Variants in RNF130 observed in about 807,000 individuals in gnomAD.
The protein encoded by RNF130 is ring finger protein 130, also known as E3 ubiquitin-protein ligase RNF130.
A neutral mutation model predicts 44.6 loss-of-function variants in RNF130; 21 were observed. That is an observed-to-expected ratio of 0.47 (90% CI 0.33 to 0.68). The LOEUF (loss-of-function observed/expected upper bound fraction) is 0.68, where lower values mean the gene tolerates loss of function less well. Ranked by LOEUF, RNF130 falls within the 30% of genes least tolerant of loss-of-function variation. The pLI is 0.02. For missense variants in RNF130, 479 were observed against 560.6 expected (o/e 0.85, Z 1.47); for synonymous variants, 214 against 210.4 (o/e 1.02, Z -0.15).
chr5:179,964,960 T>C (rs890579705), intron 7 of RNF130, among the ~76,000 whole-genome samples: 11 of 152,244 alleles, frequency 7.2e-5, no homozygotes, highest in Non-Finnish European at 1.6e-4. Context: ...AGGGAAAATG[T>C]ATATGGCATT....
chr5:179,931,032 CAAAAAA>C (rs34266288), intron 7 of RNF130, among the ~76,000 whole-genome samples: 3 of 74,304 alleles, frequency 4.0e-5, no homozygotes, highest in Non-Finnish European at 7.7e-5. Context: ...ACCTCTGTCT[CAAAAAA>C]AAAAAAAAAA....
At chr5:179,987,495 T>A (rs1490898428) in intron 3 of RNF130, among the ~76,000 whole-genome samples, 1 of 152,200 alleles carries the variant, frequency 6.6e-6, no homozygotes, top group Non-Finnish European at 1.5e-5. Context: ...TTCTGACTGC[T>A]CCGGCTATGA....
intron 2 of RNF130, among the ~76,000 whole-genome samples, chr5:180,016,737 A>G (rs1017583299): frequency 6.6e-6 from 1 of 152,196 alleles, no homozygotes; most frequent in Non-Finnish European, 1.5e-5. Flanking sequence ...GAATTTTCAA[A>G]CCCATAGAGC....
At chr5:180,016,084 G>C (rs933542365) in intron 2 of RNF130, among the ~76,000 whole-genome samples, 9 of 152,186 alleles carry the variant, frequency 5.9e-5, no homozygotes, top group African/African-American at 1.7e-4. Context: ...ACAGAGAAGA[G>C]CCGGGCAGAG....
intron 8 of RNF130, among the ~76,000 whole-genome samples, chr5:179,958,622 G>A (rs1272575427): frequency 6.6e-6 from 1 of 152,196 alleles, no homozygotes; most frequent in East Asian, 1.9e-4. Context: ...AGGTCCTGGT[G>A]CAGGCTCGCT....
At chr5:180,028,949 A>C (rs1304956763) in intron 2 of RNF130, among the ~76,000 whole-genome samples, 1 of 152,228 alleles carries the variant, frequency 6.6e-6, no homozygotes, top group East Asian at 1.9e-4. Flanking sequence ...CATAAGAAAA[A>C]TTGTACAACT....
At chr5:179,987,811 C>T (rs1339122277) in intron 3 of RNF130, among the ~76,000 whole-genome samples, 2 of 152,216 alleles carry the variant, frequency 1.3e-5, no homozygotes, top group Non-Finnish European at 2.9e-5. Flanking sequence ...ATCCCCGGGA[C>T]AAATCCCACG....
In RNF130 at chr5:180,013,304, T is replaced by C. The variant is rs372014910; in HGVS notation, c.450A>G (p.Gly150=). Residue 150 remains glycine (G), a synonymous_variant, in exon 3 of 9, where the codon GGA becomes GGG. Transcript: ENST00000521389. Reference sequence around the variant, plus strand: ...CTGTTATCATGACAGCAATAATATCTCCAGTGCCTGCAATATAAAATAAAT... The same window carrying C: ...CTGTTATCATGACAGCAATAATATCCCCAGTGCCTGCAATATAAAATAAAT... The part of the protein sequence containing the change: ...EPVTMTHPGT[G]DIIAVMITEL... 6.2e-6 allele frequency: 10 copies of C among 1,605,198 alleles called. No individual in the cohort carries two copies. The highest frequency in any genetic ancestry group is 8.5e-6 in the Non-Finnish European group (10 of 1,175,644).
intron 2 of RNF130, among the ~76,000 whole-genome samples, chr5:180,034,293 G>T (rs1764200355): frequency 6.6e-6 from 1 of 151,502 alleles, no homozygotes; most frequent in Non-Finnish European, 1.5e-5. Flanking sequence ...AATTTTAAAA[G>T]AATTTTTGTG....
At chr5:179,988,691 A>G (rs1374690138) in intron 3 of RNF130, among the ~76,000 whole-genome samples, 1 of 152,226 alleles carries the variant, frequency 6.6e-6, no homozygotes. Flanking sequence ...GTTTCCACGT[A>G]GATACTGTTT....
chr5:179,969,957 C>T (rs1762543399), intron 6 of RNF130, among the ~76,000 whole-genome samples: 1 of 151,616 alleles, frequency 6.6e-6, no homozygotes. Flanking sequence ...TGCCATTGTA[C>T]TCCAGCTTGG....
intron 1 of RNF130, among the ~76,000 whole-genome samples, chr5:180,071,064 C>G (rs1765247551): frequency 6.6e-6 from 1 of 152,042 alleles, no homozygotes; most frequent in South Asian, 2.1e-4. Flanking sequence ...CTAGCGCAGC[C>G]TTAAGTCCGT....
intron 8 of RNF130, among the ~76,000 whole-genome samples, chr5:179,962,879 C>G (rs74762373): frequency 0.018 from 2,791 of 152,296 alleles, 105 homozygotes; most frequent in African/African-American, 0.062. Context: ...CTTTTACCGA[C>G]GTGAAGCCTG....
At chr5:180,020,021 C>T (rs941383550) in intron 2 of RNF130, among the ~76,000 whole-genome samples, 1 of 151,972 alleles carries the variant, frequency 6.6e-6, no homozygotes, top group Non-Finnish European at 1.5e-5. Flanking sequence ...AAGAAAGGGT[C>T]CAGGGAACTG....
In RNF130 at chr5:179,971,602, C is replaced by T. The variant is rs995039781; in HGVS notation, c.849-1096G>A. On this transcript the variant is annotated intron_variant, in intron 5 of 8. Transcript: ENST00000521389. The stretch of plus-strand genomic sequence containing the variant: ...GCCAGGATGGTTTCCATCTCCTGAC[C>T]TCGTGATCCGCCCGCCTCGGCCTCC... Among the ~76,000 whole-genome samples the T allele has an allele frequency of 4.6e-5, 7 of 152,318 alleles. No homozygotes were observed. In the East Asian group the frequency reaches 1.4e-3, roughly 29 times the overall value.
chr5:179,990,592 G>A (rs1763058096), intron 3 of RNF130, among the ~76,000 whole-genome samples: 1 of 152,186 alleles, frequency 6.6e-6, no homozygotes, highest in Admixed American at 6.5e-5. Context: ...CAGGGAAAGG[G>A]AGACTCCCTT....
At chr5:180,003,635 CTATG>C (rs1763396961) in intron 3 of RNF130, among the ~76,000 whole-genome samples, 1 of 152,190 alleles carries the variant, frequency 6.6e-6, no homozygotes. Flanking sequence ...GTATAAGTGT[CTATG>C]TATGTGTGTA....
At chr5:180,016,960 G>C (rs1049062990) in intron 2 of RNF130, among the ~76,000 whole-genome samples, 1 of 152,162 alleles carries the variant, frequency 6.6e-6, no homozygotes, top group Non-Finnish European at 1.5e-5. Flanking sequence ...TTAACCCTGT[G>C]TTCTTTAATA....
At chr5:179,918,138 A>G (rs1398915511) in exon 8 of RNF130, 1 of 152,118 alleles carries the variant, frequency 6.6e-6, no homozygotes, top group Non-Finnish European at 1.5e-5. Flanking sequence ...CCAGAGAGTG[A>G]CCCCAATTTT....
Sources: gnomAD v4.1 joint callset for allele counts (sites outside exome capture counted in the v4.1 genomes callset) on GRCh38, gnomAD v4.1.1 for gene constraint, MANE v1.5 for transcripts, NCBI Gene and HGNC (gene_info 2026-07-23, HGNC 2026-07-21) for gene names.